The following CAPN9 variants were observed in gnomAD, a reference collection of about 807,000 sequenced individuals.
CAPN9 encodes calpain-9.
In CAPN9, 81 loss-of-function variants were observed where a neutral mutation model predicts 92.8. That is an observed-to-expected ratio of 0.87 (90% confidence interval 0.73 to 1.05). CAPN9 has a LOEUF of 1.05. Among genes scored for constraint, CAPN9 ranks in the 50% least tolerant of loss-of-function variants. CAPN9 has a pLI of 0.00. For missense variants in CAPN9, 848 were observed against 866.2 expected, an observed-to-expected ratio of 0.98 and a Z score of 0.26; for synonymous variants, 304 against 328.0, an observed-to-expected ratio of 0.93 and a Z score of 0.79.
chr1:230,752,649 C>G, intron 1 of CAPN9: 1 of 984,574 alleles, frequency 1.0e-6, no homozygotes, highest in Non-Finnish European at 1.2e-6. Context: ...ACAGCCCTGC[C>G]CCAGGAGCTA....
chr1:230,753,228 G>A (rs780257360), intron 1 of CAPN9, among the ~76,000 whole-genome samples: 1 of 152,196 alleles, frequency 6.6e-6, no homozygotes, highest in Non-Finnish European at 1.5e-5. Context: ...AAAGACGTGT[G>A]AGACCTGGCA....
chr1:230,777,341 G>T (rs1313910526), intron 8 of CAPN9, among the ~76,000 whole-genome samples: 3 of 152,114 alleles, frequency 2.0e-5, no homozygotes, highest in Non-Finnish European at 4.4e-5. Flanking sequence ...CCTGCCCAAG[G>T]TGATGGGTGG....
chr1:230,792,327 G>A, intron 15 of CAPN9, 99 bp from the exon 16 acceptor site: 1 of 964,224 alleles, frequency 1.0e-6, no homozygotes, highest in East Asian at 2.4e-5. Context: ...ACCCAGGCCA[G>A]CCCATCGGCC....
intron 18 of CAPN9, among the ~76,000 whole-genome samples, chr1:230,796,690 A>T (rs1201803003): frequency 1.3e-5 from 2 of 152,198 alleles, no homozygotes; most frequent in African/African-American, 4.8e-5. Flanking sequence ...CTCCTGAAAC[A>T]GAATCCGTTA....
chr1:230,767,754 G>T (rs1666084768), intron 5 of CAPN9, 45 bp downstream of exon 5: 1 of 1,564,942 alleles, frequency 6.4e-7, no homozygotes, highest in Non-Finnish European at 8.7e-7. Flanking sequence ...TGCTGGGGCT[G>T]CATAGTGCAT....
chr1:230,747,789 TG>T, intron 1 of CAPN9, 80 bp downstream of exon 1: 2 of 1,294,334 alleles, frequency 1.5e-6, no homozygotes, highest in Non-Finnish European at 2.2e-6. Context: ...ACAGGGGTGC[TG>T]GGGAGGGGCC....
intron 14 of CAPN9, 129 bp from the exon 15 acceptor site, chr1:230,791,735 C>T: frequency 1.5e-6 from 1 of 650,710 alleles, no homozygotes; most frequent in South Asian, 2.1e-5. Context: ...CTACCAGCAT[C>T]ATAAGAGAGT....
chr1:230,776,242 T>A (rs988812569), intron 8 of CAPN9: 1 of 152,138 alleles, frequency 6.6e-6, no homozygotes, highest in African/African-American at 2.4e-5. Context: ...GCAAGGCAGC[T>A]CTCTGGGGCC....
In CAPN9 at chr1:230,798,071, G is replaced by C. The variant is rs1323491181; in HGVS notation, c.1988-91G>C. ...ACCAGATGGAGCAGCTTCCCCACAG[G>C]CTCCACTGGAAGGCCCTTTGGTCGC... On this transcript the variant is annotated intron_variant, in intron 18 of 19. Coordinates refer to ENST00000271971, the MANE Select transcript of CAPN9 (RefSeq NM_006615.3). 4.5e-6 allele frequency: 4 copies of C among 880,786 alleles called. No individual in the cohort carries two copies. In the African/African-American group the frequency reaches 6.6e-5, roughly 15 times the overall value. The allele number at this position is 880,786 out of a possible 1,614,324, so 54.6% of individuals were successfully genotyped here. A position where few individuals can be genotyped will look rare whatever the true frequency, so the allele number is the denominator to read the frequency against.
chr1:230,781,160 C>T (rs114467508), intron 11 of CAPN9, among the ~76,000 whole-genome samples: 5 of 152,254 alleles, frequency 3.3e-5, no homozygotes, highest in East Asian at 1.9e-4. Context: ...TGAGCCACCA[C>T]GCCAGGCTGC....
intron 7 of CAPN9, 59 bp downstream of exon 7, chr1:230,772,158 G>T: frequency 1.4e-6 from 2 of 1,429,578 alleles, no homozygotes; most frequent in Non-Finnish European, 2.0e-6. Context: ...GCCAGAGCTG[G>T]CTTGTGCAGA....
At chr1:230,792,345 T>G (rs1668046500) in intron 15 of CAPN9, 81 bp from the exon 16 acceptor site, 1 of 1,213,982 alleles carries the variant, frequency 8.2e-7, no homozygotes. Context: ...GCCCTCCCCC[T>G]CTGCAGTCCC....
chr1:230,748,213 A>AC (rs1202141823), intron 1 of CAPN9, among the ~76,000 whole-genome samples: 4 of 152,032 alleles, frequency 2.6e-5, no homozygotes, highest in African/African-American at 7.2e-5. Flanking sequence ...AGAACCATGC[A>AC]CCCCCCATTC....
At chr1:230,798,928 G>A (rs1668517734) in intron 19 of CAPN9, among the ~76,000 whole-genome samples, 1 of 152,230 alleles carries the variant, frequency 6.6e-6, no homozygotes, top group Non-Finnish European at 1.5e-5. Context: ...TGAAGCTTGG[G>A]AACGCTCTTG....
chr1:230,769,138 G>C, intron 5 of CAPN9, 42 bp from the exon 6 acceptor site: 1 of 1,526,340 alleles, frequency 6.6e-7, no homozygotes, highest in South Asian at 1.1e-5. Flanking sequence ...GGGGAGGCTT[G>C]ACTTAGACGG....
At chr1:230,774,705 C>T in intron 8 of CAPN9, 74 bp downstream of exon 8, 3 of 895,264 alleles carry the variant, frequency 3.4e-6, no homozygotes, top group Admixed American at 4.2e-5. Context: ...GAGCACTGTG[C>T]TTCTCTCTCG....
At chr1:230,750,691 C>T (rs1017819174) in intron 1 of CAPN9, among the ~76,000 whole-genome samples, 13 of 152,176 alleles carry the variant, frequency 8.5e-5, no homozygotes, top group African/African-American at 3.1e-4. Flanking sequence ...CGGCCCTCCT[C>T]CTCAGCACCA....
intron 8 of CAPN9, among the ~76,000 whole-genome samples, chr1:230,775,433 T>A (rs1272751653): frequency 6.6e-6 from 1 of 152,202 alleles, no homozygotes; most frequent in African/African-American, 2.4e-5. Flanking sequence ...AATCTCTTTG[T>A]TTAATTGAAC....
At chr1:230,769,616 CCTATCTATCTATCTATCTAT>C (rs10557166) in intron 6 of CAPN9, among the ~76,000 whole-genome samples, 8,395 of 115,908 alleles carry the variant, frequency 0.072, 299 homozygotes, top group Non-Finnish European at 0.097. Flanking sequence ...CACACACACA[CCTATCTATCTATCTATCTAT>C]CTATCTATCT....
Sources: gnomAD v4.1 joint callset for allele counts (sites outside exome capture counted in the v4.1 genomes callset) on GRCh38, gnomAD v4.1.1 for gene constraint, MANE v1.5 for transcripts, NCBI Gene and HGNC (gene_info 2026-07-23, HGNC 2026-07-21) for gene names.